The following ACSS2 variants were observed in gnomAD, a reference collection of about 807,000 sequenced individuals.
ACSS2 encodes acyl-CoA synthetase short chain family member 2, also known as acetyl-coenzyme A synthetase, cytoplasmic.
Under a neutral mutation model 90.6 loss-of-function variants are expected in ACSS2, and 58 were observed. That is an observed-to-expected ratio of 0.64 (90% CI 0.52 to 0.80). ACSS2 has a LOEUF of 0.80. Among genes scored for constraint, ACSS2 ranks in the 30% least tolerant of loss-of-function variants. ACSS2 has a pLI of 0.00. For synonymous variants in ACSS2, 300 were observed against 330.9 expected (o/e 0.91, Z 1.01); for missense variants, 759 against 912.0 (o/e 0.83, Z 2.16).
In ACSS2 at chr20:34,923,444, T is replaced by A. The variant is rs761841697; in HGVS notation, c.1657+13T>A. 3 of 1,594,136 alleles carry A rather than the reference T, an allele frequency of 1.9e-6. No individual in the cohort carries two copies. Among genetic ancestry groups the A allele is most frequent in the Admixed American group, 3.3e-5 (2 of 59,868 alleles). ...GTTACAGGAGATGGTGAGCCTTAGC[T>A]ATCCCCCTCTTGCACCTCCCACTAA... On this transcript the variant is annotated intron_variant, in intron 14 of 17. Transcript: ENST00000360596.
In ACSS2 at chr20:34,925,779, G is replaced by T. The variant is rs746920114; in HGVS notation, c.1726+13G>T. The T allele has an allele frequency of 6.0e-5, 96 of 1,610,654 alleles. No individual in the cohort carries two copies. Among genetic ancestry groups the T allele is most frequent in the Non-Finnish European group, 7.6e-5 (90 of 1,178,622 alleles). ...CTCAATGTATCTGGTGAGGGCCAGG[G>T]GCCACCTTCCCATCTTATTAACTCT... On this transcript the variant is annotated intron_variant, in intron 15 of 17. Transcript: ENST00000360596.
chr20:34,895,146 C>CA (rs1288548027), intron 2 of ACSS2, among the ~76,000 whole-genome samples: 1 of 152,096 alleles, frequency 6.6e-6, no homozygotes, highest in African/African-American at 2.4e-5. Flanking sequence ...TAACTCTTGA[C>CA]ATAATGTTCA....
chr20:34,877,054 G>A (rs951832083), intron 1 of ACSS2, among the ~76,000 whole-genome samples: 2 of 152,198 alleles, frequency 1.3e-5, no homozygotes, highest in Non-Finnish European at 2.9e-5. Flanking sequence ...TGGAGATGCG[G>A]GTTTTTGCGA....
chr20:34,910,902 A>G (rs1362124023), intron 2 of ACSS2, among the ~76,000 whole-genome samples: 3 of 152,168 alleles, frequency 2.0e-5, no homozygotes, highest in African/African-American at 7.2e-5. Flanking sequence ...AGCTCACTGC[A>G]GGCTTGACCT....
At chr20:34,878,880 T>C in intron 1 of ACSS2, among the ~76,000 whole-genome samples, 1 of 151,540 alleles carries the variant, frequency 6.6e-6, no homozygotes, top group Non-Finnish European at 1.5e-5. Context: ...AGTTTCTAAT[T>C]AAAATTCTGC....
chr20:34,908,088 T>C (rs150176321), intron 2 of ACSS2, among the ~76,000 whole-genome samples: 26 of 152,160 alleles, frequency 1.7e-4, no homozygotes, highest in Non-Finnish European at 2.9e-4. Flanking sequence ...CCTTCATAAG[T>C]GCTCTGTGCA....
At chr20:34,889,396 A>C (rs2080279877) in intron 2 of ACSS2, among the ~76,000 whole-genome samples, 1 of 117,146 alleles carries the variant, frequency 8.5e-6, no homozygotes, top group Non-Finnish European at 2.0e-5. Flanking sequence ...TGCTGGGATT[A>C]CAGGCGTGTG....
At chr20:34,879,508 C>T (rs2080016716) in intron 1 of ACSS2, among the ~76,000 whole-genome samples, 1 of 137,490 alleles carries the variant, frequency 7.3e-6, no homozygotes, top group Non-Finnish European at 1.5e-5. Context: ...CACACACACA[C>T]ACACACACAC....
upstream of ACSS2, chr20:34,876,576 C>T: frequency 7.8e-7 from 1 of 1,282,464 alleles, no homozygotes; most frequent in Non-Finnish European, 9.9e-7. Context: ...GCCTCTAGTT[C>T]GGCCTGTTTT....
At chr20:34,915,175 T>C in intron 7 of ACSS2, 3 of 1,611,644 alleles carry the variant, frequency 1.9e-6, no homozygotes, top group African/African-American at 1.3e-5. Flanking sequence ...CCCTGTATAC[T>C]TGGACCCTCC....
intron 13 of ACSS2, chr20:34,923,030 A>G (rs1430787324): frequency 5.4e-5 from 15 of 277,950 alleles, no homozygotes; most frequent in Non-Finnish European, 6.3e-5. Context: ...ATAATAGAAC[A>G]CCGTGCTAGG....
rs199714251 is a variant in ACSS2, at chr20:34,913,206, G to C, written c.466+19G>C. ...AAACAGGGTGAGTGTGGGGGTGTGG[G>C]AAAGGACTGGGGGTCTGGCCTTGGG... On this transcript the variant is annotated intron_variant, in intron 3 of 17. Coordinates refer to ENST00000360596, the MANE Select transcript of ACSS2 (RefSeq NM_018677.4). The C allele has an allele frequency of 3.3e-4, 539 of 1,612,548 alleles. No homozygotes were observed. The highest frequency in any genetic ancestry group is 4.0e-4 in the Non-Finnish European group (469 of 1,178,558).
intron 2 of ACSS2, among the ~76,000 whole-genome samples, chr20:34,910,800 GA>G (rs1287098508): frequency 6.6e-6 from 1 of 151,900 alleles, no homozygotes; most frequent in Admixed American, 6.6e-5. Context: ...CATAAAATTG[GA>G]AAAAAACCAC....
intron 13 of ACSS2, 85 bp from the exon 14 acceptor site, chr20:34,923,238 T>A: frequency 2.0e-6 from 2 of 1,020,982 alleles, no homozygotes; most frequent in African/African-American, 3.1e-5. Context: ...TTCAGGACAC[T>A]TTCCCCCACA....
chr20:34,880,471 G>A (rs2080043687), intron 1 of ACSS2, among the ~76,000 whole-genome samples: 1 of 151,928 alleles, frequency 6.6e-6, no homozygotes, highest in Non-Finnish European at 1.5e-5. Context: ...TTGAGCCAGG[G>A]AGATGGAGGT....
At chr20:34,926,027 G>T (rs1284340302) in intron 15 of ACSS2, 78 bp from the exon 16 acceptor site, 7 of 1,503,764 alleles carry the variant, frequency 4.7e-6, no homozygotes, top group Non-Finnish European at 6.5e-6. Context: ...GACCAGGACT[G>T]CCCCATGGGT....
chr20:34,923,922 C>T (rs759306957), intron 14 of ACSS2, among the ~76,000 whole-genome samples: 3 of 151,240 alleles, frequency 2.0e-5, no homozygotes, highest in Non-Finnish European at 4.4e-5. Context: ...CAAACTATAT[C>T]AGTTGGTTAG....
intron 2 of ACSS2, among the ~76,000 whole-genome samples, chr20:34,901,147 G>T (rs1387713676): frequency 1.3e-5 from 2 of 152,192 alleles, no homozygotes; most frequent in East Asian, 3.8e-4. Flanking sequence ...CTACTAATTT[G>T]TAAGTAACCT....
Position 34,876,762 on chromosome 20 carries a change from G to C in ACSS2, c.117G>C (p.Ala39=). The C allele has an allele frequency of 7.0e-7, 1 of 1,425,946 alleles. No homozygotes were observed. Among genetic ancestry groups the C allele is most frequent in the South Asian group, 1.4e-5 (1 of 70,160 alleles). 88.3% of individuals were successfully genotyped at this position (1,425,946 alleles called of 1,614,324 possible). A position where few individuals can be genotyped will look rare whatever the true frequency, so the allele number is the denominator to read the frequency against. ...WSPPPEVSRS[A]HVPSLQRYRE... is the part of the protein sequence containing the mutation. ...CGCCGCCCGAGGTCAGCCGCTCCGCGCACGTCCCCTCGCTGCAGCGCTACC... is the reference window on the plus strand; with the variant it reads ...CGCCGCCCGAGGTCAGCCGCTCCGCCCACGTCCCCTCGCTGCAGCGCTACC... The change falls in exon 1 of 18, where the codon GCG becomes GCC. Residue 39 remains alanine (A), a synonymous_variant. Coordinates refer to ENST00000360596, the MANE Select transcript of ACSS2 (RefSeq NM_018677.4).
Sources: allele counts gnomAD v4.1 joint callset (sites outside exome capture counted in the v4.1 genomes callset), GRCh38; gene constraint gnomAD v4.1.1; transcripts MANE v1.5; gene names NCBI Gene and HGNC (gene_info 2026-07-23, HGNC 2026-07-21).